MYO18B: variants seen among roughly 807,000 people sequenced by gnomAD.
MYO18B encodes unconventional myosin-XVIIIb.
Under a neutral mutation model 273.0 loss-of-function variants are expected in MYO18B, and 204 were observed. That is an observed-to-expected ratio of 0.75 (90% CI 0.67 to 0.84). The LOEUF (loss-of-function observed/expected upper bound fraction) is 0.84. MYO18B is among the 40% of genes least tolerant of loss of function. MYO18B has a pLI of 0.00. For missense variants in MYO18B, 3,212 were observed against 3,287.6 expected (o/e 0.98, Z 0.56); for synonymous variants, 1,330 against 1,305.7 (o/e 1.02, Z -0.40).
At chr22:25,950,558 T>TGTGTG in intron 37 of MYO18B, 108 bp downstream of exon 37, 2 of 123,328 alleles carry the variant, frequency 1.6e-5, no homozygotes, top group South Asian at 1.6e-4. Context: ...GTGTATGAGT[T>TGTGTG]TATTGTTTGT....
chr22:26,044,014 T>C, the MYO18B span, among the ~76,000 whole-genome samples: 1 of 152,232 alleles, frequency 6.6e-6, no homozygotes, highest in African/African-American at 2.4e-5. Context: ...GTTGGTCTTT[T>C]TAGTTTTAGC....
At chr22:25,911,369 G>A (rs2092155384) in intron 33 of MYO18B, among the ~76,000 whole-genome samples, 1 of 152,222 alleles carries the variant, frequency 6.6e-6, no homozygotes, top group African/African-American at 2.4e-5. Flanking sequence ...CTGCACACAT[G>A]ACTGCCCTCC....
At chr22:25,887,461 C>T (rs933370859) in intron 25 of MYO18B, among the ~76,000 whole-genome samples, 1 of 152,160 alleles carries the variant, frequency 6.6e-6, no homozygotes, top group Non-Finnish European at 1.5e-5. Flanking sequence ...CTCTGGCAGG[C>T]CCTTGGAGTA....
At chr22:25,845,397 G>A (rs1489206024) in intron 18 of MYO18B, among the ~76,000 whole-genome samples, 7 of 152,166 alleles carry the variant, frequency 4.6e-5, no homozygotes, top group Admixed American at 4.6e-4. Context: ...TGTGCCTATA[G>A]TCCCAGCTAC....
intron 25 of MYO18B, 26 bp from the exon 26 acceptor site, chr22:25,890,730 C>T: frequency 1.2e-6 from 2 of 1,613,134 alleles, no homozygotes; most frequent in Non-Finnish European, 1.7e-6. Flanking sequence ...GTGACCGTTC[C>T]TTGATCACCC....
chr22:25,842,467 G>T (rs1414254487), intron 17 of MYO18B, among the ~76,000 whole-genome samples: 1 of 152,118 alleles, frequency 6.6e-6, no homozygotes, highest in Non-Finnish European at 1.5e-5. Flanking sequence ...GAGGTCAGGA[G>T]TTCGAGACCA....
rs553130029 is a variant in MYO18B at position 25,856,703 on chromosome 22, G to A, written c.3885+5124G>A. Among the ~76,000 whole-genome samples, 49 of 152,336 alleles carry A rather than the reference G, an allele frequency of 3.2e-4. No individual in the cohort carries two copies. The South Asian group carries it at 1.0e-2, about 31-fold the overall frequency. On this transcript the variant is annotated intron_variant, in intron 21 of 43. Coordinates refer to ENST00000335473, the MANE Select transcript of MYO18B (RefSeq NM_032608.7). ...TGCAAAGATCTGGAGTCATGGAGGT[G>A]CATAGATAGTTTCGTGGTGCTGGAG...
At chr22:26,029,069 G>C (rs894405302) in intron 43 of MYO18B, among the ~76,000 whole-genome samples, 1 of 152,094 alleles carries the variant, frequency 6.6e-6, no homozygotes, top group Admixed American at 6.5e-5. Context: ...AGAATCACCA[G>C]GGCATAATTG....
rs748465577 is a variant in MYO18B, at chr22:25,763,293, A to G, written c.102A>G (p.Pro34=). The G allele has an allele frequency of 1.2e-6, 2 of 1,612,884 alleles. No homozygotes were observed. Among genetic ancestry groups the G allele is most frequent in the Admixed American group, 1.7e-5 (1 of 59,658 alleles). Residue 34 remains proline (P), a synonymous_variant, in exon 3 of 44, where the codon CCA becomes CCG. Transcript: ENST00000335473. ...CCCCTCCTCTTTTCTCTGTCATCCC[A>G]GGGGGCTTCATTAAGCAACTGGTCC... ...SSPPPLFSVI[P]GGFIKQLVRG...
intron 11 of MYO18B, among the ~76,000 whole-genome samples, chr22:25,787,249 A>G (rs1032418021): frequency 6.9e-6 from 1 of 144,144 alleles, no homozygotes; most frequent in Non-Finnish European, 1.5e-5. Flanking sequence ...AAAATTGCTA[A>G]GCCTGTGTGC....
intron 21 of MYO18B, among the ~76,000 whole-genome samples, chr22:25,852,342 C>T (rs1163179498): frequency 1.3e-5 from 2 of 152,156 alleles, no homozygotes; most frequent in Non-Finnish European, 2.9e-5. Flanking sequence ...TAATGTGAAT[C>T]TCCTCTGTGT....
At chr22:25,823,313 G>A (rs2089353615) in intron 12 of MYO18B, among the ~76,000 whole-genome samples, 192 bp from the exon 13 acceptor site, 1 of 152,232 alleles carries the variant, frequency 6.6e-6, no homozygotes, top group Admixed American at 6.5e-5. Flanking sequence ...GGATAAGCAA[G>A]TCTCTTGGGA....
chr22:25,926,430 A>G (rs866625259), intron 34 of MYO18B, among the ~76,000 whole-genome samples: 3 of 151,790 alleles, frequency 2.0e-5, no homozygotes, highest in African/African-American at 7.3e-5. Flanking sequence ...GATCACAGGC[A>G]TCCGCCACCA....
At chr22:25,809,481 C>T (rs1196552192) in intron 12 of MYO18B, among the ~76,000 whole-genome samples, 3 of 152,158 alleles carry the variant, frequency 2.0e-5, no homozygotes, top group East Asian at 1.9e-4. Flanking sequence ...TTGTCTCTCA[C>T]GAAATTTGCC....
chr22:25,795,005 A>G (rs571910633), intron 11 of MYO18B, among the ~76,000 whole-genome samples: 2 of 152,180 alleles, frequency 1.3e-5, no homozygotes, highest in Non-Finnish European at 2.9e-5. Context: ...ACAGAAGCAC[A>G]TGGGATGCAG....
At chr22:26,017,962 G>GTTT (rs1339313323) in intron 42 of MYO18B, among the ~76,000 whole-genome samples, 15 of 117,566 alleles carry the variant, frequency 1.3e-4, no homozygotes, top group African/African-American at 2.0e-4. Context: ...CAATTTTACT[G>GTTT]TTTTGTTTTT....
chr22:25,775,231 C>T (rs868668697), intron 7 of MYO18B, among the ~76,000 whole-genome samples: 1 of 152,198 alleles, frequency 6.6e-6, no homozygotes, highest in Non-Finnish European at 1.5e-5. Flanking sequence ...CCTTTGCCTG[C>T]ATTAGGTTCC....
chr22:26,039,693 G>A, the MYO18B span, among the ~76,000 whole-genome samples: 1 of 152,222 alleles, frequency 6.6e-6, no homozygotes, highest in East Asian at 1.9e-4. Flanking sequence ...ACATGGATAA[G>A]TTCGTTAGTG....
downstream of MYO18B, among the ~76,000 whole-genome samples, chr22:26,036,001 T>A (rs1306788385): frequency 6.6e-6 from 1 of 152,236 alleles, no homozygotes; most frequent in African/African-American, 2.4e-5. Flanking sequence ...CCTGGCTCTC[T>A]GCAGAGTTCA....
Sources: allele counts gnomAD v4.1 joint callset (sites outside exome capture counted in the v4.1 genomes callset), GRCh38; gene constraint gnomAD v4.1.1; transcripts MANE v1.5; gene names NCBI Gene and HGNC (gene_info 2026-07-23, HGNC 2026-07-21).